SEPTIN9: variants seen among roughly 807,000 people sequenced by gnomAD.
SEPTIN9 encodes the protein septin-9.
SEPTIN9 carries 13 observed loss-of-function variants against 56.6 expected under a neutral mutation model. The ratio of observed to expected loss-of-function variants is 0.23; its 90% CI spans 0.15 to 0.37. The LOEUF is 0.37. Among genes scored for constraint, SEPTIN9 ranks in the 10% least tolerant of loss-of-function variants. The probability of loss-of-function intolerance (pLI) is 1.00; values close to 1 mark genes in which losing one functional copy is unlikely to be tolerated. For missense variants in SEPTIN9, 650 were observed against 823.1 expected (o/e 0.79, Z 2.57); for synonymous variants, 332 against 334.1 (o/e 0.99, Z 0.07).
Position 77,360,545 on chromosome 17 carries a change from T to G in SEPTIN9, c.77-41514T>G, listed in dbSNP as rs115919417. ...GCTCCCTACTAGGGTAGGTTGTTTT[T>G]TTTTTGTTGTTTTTGTTTTTTGTTT... On this transcript the variant is annotated intron_variant, in intron 2 of 11. Coordinates refer to ENST00000427177, the MANE Select transcript of SEPTIN9 (RefSeq NM_001113491.2). 7.3e-3 allele frequency among the ~76,000 whole-genome samples: 1,111 copies of G among 151,574 alleles called. 14 individuals carry two copies. The highest frequency in any genetic ancestry group is 0.025 in the African/African-American group (1,051 of 41,466).
Position 77,498,448 on chromosome 17 carries a change from G to A in SEPTIN9, c.1626-75G>A, listed in dbSNP as rs1313150507. ...GGCGGGCCTGAGTCCGAGGCAGGCC[G>A]AGCAGGGCCCCTGCCCCGCTGCCCC... On this transcript the variant is annotated intron_variant, in intron 11 of 11. Transcript: ENST00000427177. The A allele has an allele frequency of 5.1e-5, 41 of 807,436 alleles. 1 individual carries two copies. The highest frequency in any genetic ancestry group is 4.6e-4 in the South Asian group (32 of 69,030). The allele number at this position is 807,436 out of a possible 1,614,324, so 50.0% of individuals were successfully genotyped here. A position where few individuals can be genotyped will look rare whatever the true frequency, so the allele number is the denominator to read the frequency against.
At chr17:77,292,073 C>G (rs2031582532) in intron 1 of SEPTIN9, among the ~76,000 whole-genome samples, 1 of 152,142 alleles carries the variant, frequency 6.6e-6, no homozygotes, top group Non-Finnish European at 1.5e-5. Context: ...TCCACAGAGC[C>G]ACCCCTTCCC....
At chr17:77,356,351 T>A (rs1426141892) in intron 2 of SEPTIN9, among the ~76,000 whole-genome samples, 3 of 152,094 alleles carry the variant, frequency 2.0e-5, no homozygotes, top group Admixed American at 1.3e-4. Context: ...CTGTGGAACC[T>A]TGGTGGTTTA....
At chr17:77,411,112 G>C (rs1160793937) in intron 3 of SEPTIN9, among the ~76,000 whole-genome samples, 1 of 150,976 alleles carries the variant, frequency 6.6e-6, no homozygotes, top group Non-Finnish European at 1.5e-5. Flanking sequence ...GCGATGCCCA[G>C]TCATTCTTAG....
At position 77,310,916 on chromosome 17, in the gene SEPTIN9, T is replaced by C. The variant is rs113495649; in HGVS notation, c.76+3719T>C. 0.041 allele frequency among the ~76,000 whole-genome samples: 6,266 copies of C among 152,184 alleles called. 176 individuals are homozygous for C. Among genetic ancestry groups the C allele is most frequent in the Non-Finnish European group, 0.066 (4,513 of 67,984 alleles). On this transcript the variant is annotated intron_variant, in intron 2 of 11. Transcript: ENST00000427177. This position sits in a 1 kb window ranked among gnomAD's most constrained non-coding sequence, Gnocchi z 4.7. ...CCAATACCTCTGGGGTGTGTGGCCT[T>C]TTCCCCAGTGCCCCCATCATCCCTT...
intron 3 of SEPTIN9, among the ~76,000 whole-genome samples, chr17:77,461,515 C>T (rs936503946): frequency 6.6e-6 from 1 of 152,156 alleles, no homozygotes; most frequent in Non-Finnish European, 1.5e-5. Flanking sequence ...GCAAGGACGA[C>T]GCTGTCCCTG....
Position 77,455,343 on chromosome 17 carries a change from G to A in SEPTIN9, c.722-26801G>A, listed in dbSNP as rs550889479. Among the ~76,000 whole-genome samples, 12 of 152,308 alleles carry A rather than the reference G, an allele frequency of 7.9e-5. No homozygotes were observed. In the East Asian group the frequency reaches 1.5e-3, roughly 20 times the overall value. On this transcript the variant is annotated intron_variant, in intron 3 of 11. Coordinates refer to ENST00000427177, the MANE Select transcript of SEPTIN9 (RefSeq NM_001113491.2). ...GGGGCCCTTCGCTCTCTGTCCCGTC[G>A]AGCCTGGCTGGCAGCACTCCCTTCT...
chr17:77,358,149 A>G (rs568861032), intron 2 of SEPTIN9, among the ~76,000 whole-genome samples: 10 of 152,304 alleles, frequency 6.6e-5, no homozygotes, highest in Admixed American at 5.9e-4. Flanking sequence ...TACCCAGTGA[A>G]TGTCCCCACG....
intron 3 of SEPTIN9, among the ~76,000 whole-genome samples, chr17:77,467,570 A>G (rs2038799129): frequency 6.6e-6 from 1 of 152,116 alleles, no homozygotes; most frequent in Admixed American, 6.5e-5. Flanking sequence ...TCCTGAAGAA[A>G]ATTTCCTGAA....
intron 8 of SEPTIN9, among the ~76,000 whole-genome samples, chr17:77,491,223 C>CT (rs67717908): frequency 0.026 from 3,813 of 149,406 alleles, 146 homozygotes; most frequent in African/African-American, 0.084. Context: ...TATGCCCCCC[C>CT]TTTTTTTTTT....
At chr17:77,351,583 G>A (rs1007011763) in intron 2 of SEPTIN9, among the ~76,000 whole-genome samples, 5 of 152,186 alleles carry the variant, frequency 3.3e-5, no homozygotes, top group Admixed American at 3.3e-4. Context: ...CGGTCAGCAG[G>A]AAGGCTGACC....
intron 2 of SEPTIN9, among the ~76,000 whole-genome samples, chr17:77,385,948 C>T (rs1053727301): frequency 6.6e-5 from 10 of 152,302 alleles, no homozygotes; most frequent in South Asian, 4.1e-4. Context: ...CAGACCTCAC[C>T]GTGGCCCTCG....
chr17:77,404,592 T>C (rs1489102014), intron 3 of SEPTIN9, among the ~76,000 whole-genome samples: 3 of 152,136 alleles, frequency 2.0e-5, no homozygotes, highest in African/African-American at 7.2e-5. Context: ...GTCAGTGGGC[T>C]TGGGGGCTGG....
At chr17:77,399,552 C>T (rs745554129) in intron 2 of SEPTIN9, among the ~76,000 whole-genome samples, 20 of 152,086 alleles carry the variant, frequency 1.3e-4, no homozygotes, top group Non-Finnish European at 2.2e-4. Context: ...GGCATCAGCC[C>T]GATGTACAGT....
At chr17:77,290,065 G>A (rs549563577) in intron 1 of SEPTIN9, among the ~76,000 whole-genome samples, 4 of 152,238 alleles carry the variant, frequency 2.6e-5, no homozygotes, top group African/African-American at 7.2e-5. Flanking sequence ...TCTTCAGAGT[G>A]GACATTGCAT....
intron 2 of SEPTIN9, among the ~76,000 whole-genome samples, chr17:77,335,322 C>T (rs34022006): frequency 1.2e-3 from 126 of 108,076 alleles, no homozygotes; most frequent in Middle Eastern, 7.4e-3. Context: ...ATGTAGGCCC[C>T]ATGTTGACTG....
intron 3 of SEPTIN9, 107 bp from the exon 4 acceptor site, chr17:77,482,037 C>T: frequency 9.1e-7 from 1 of 1,099,078 alleles, no homozygotes. Flanking sequence ...CTTTCTGAGC[C>T]TCAGTGCCTC....
intron 1 of SEPTIN9, among the ~76,000 whole-genome samples, chr17:77,289,049 T>C (rs1598466448): frequency 6.6e-6 from 1 of 152,326 alleles, no homozygotes; most frequent in East Asian, 1.9e-4. Flanking sequence ...ACGCTTTAAC[T>C]GCCGGGACTT....
At chr17:77,386,148 GGA>G (rs2035330173) in intron 2 of SEPTIN9, among the ~76,000 whole-genome samples, 1 of 152,188 alleles carries the variant, frequency 6.6e-6, no homozygotes, top group Non-Finnish European at 1.5e-5. Context: ...GCCATGCTGG[GGA>G]TAACTTGGCT....
Sources: gnomAD v4.1 joint callset for allele counts (sites outside exome capture counted in the v4.1 genomes callset) on GRCh38, gnomAD v4.1.1 for gene constraint, Gnocchi (gnomAD v3.1) non-coding constraint, MANE v1.5 for transcripts, NCBI Gene and HGNC (gene_info 2026-07-23, HGNC 2026-07-21) for gene names.